YTHDF2: variants seen among roughly 807,000 people sequenced by gnomAD.
YTHDF2 encodes YTH domain-containing family protein 2.
Under a neutral mutation model 50.4 loss-of-function variants are expected in YTHDF2, and 2 were observed. The ratio of observed to expected loss-of-function variants is 0.04; its 90% confidence interval spans 0.02 to 0.12. The LOEUF is 0.12. Among genes scored for constraint, YTHDF2 ranks in the 10% least tolerant of loss-of-function variants. The pLI is 1.00. For synonymous variants in YTHDF2, 217 were observed against 255.6 expected (o/e 0.85, Z 1.44); for missense variants, 483 against 722.6 (o/e 0.67, Z 3.80).
intron 4 of YTHDF2, among the ~76,000 whole-genome samples, chr1:28,766,906 C>T (rs769814911): frequency 6.6e-6 from 1 of 151,242 alleles, no homozygotes; most frequent in Non-Finnish European, 1.5e-5. Context: ...GATCAGGGCT[C>T]ACTACAGCCT....
intron 4 of YTHDF2, among the ~76,000 whole-genome samples, chr1:28,746,160 G>A (rs1036812842): frequency 2.0e-5 from 3 of 152,168 alleles, no homozygotes; most frequent in African/African-American, 4.8e-5. Context: ...AAGTAAGGAG[G>A]CCATGATCTT....
In YTHDF2 at chr1:28,742,504, G is replaced by A. The variant is rs977579815; in HGVS notation, c.234G>A (p.Gly78=). ...YSLGEAAWST[G]GDTAMPYLTS... is the part of the protein sequence containing the mutation. ...TGGGTGAAGCTGCTTGGTCTACGGG[G>A]GGTGACACAGCCATGCCCTACTTAA... The change falls in exon 4 of 5, where the codon GGG becomes GGA. Residue 78 remains glycine, a synonymous_variant. Transcript: ENST00000373812. 3 of 1,613,888 alleles carry A rather than the reference G, an allele frequency of 1.9e-6. No homozygotes were observed. Among genetic ancestry groups the A allele is most frequent in the Non-Finnish European group, 2.5e-6 (3 of 1,180,008 alleles).
At chr1:28,758,870 T>G (rs1324465251) in intron 4 of YTHDF2, among the ~76,000 whole-genome samples, 2 of 152,172 alleles carry the variant, frequency 1.3e-5, no homozygotes, top group African/African-American at 4.8e-5. Flanking sequence ...AGCTTCAGTA[T>G]ATAAATGCCA....
At chr1:28,758,154 C>T (rs565863428) in intron 4 of YTHDF2, among the ~76,000 whole-genome samples, 2 of 152,126 alleles carry the variant, frequency 1.3e-5, no homozygotes, top group African/African-American at 4.8e-5. Flanking sequence ...ACCTGTAAAC[C>T]ACCTAGGATC....
intron 4 of YTHDF2, among the ~76,000 whole-genome samples, chr1:28,766,484 C>T (rs1417563017): frequency 1.3e-5 from 2 of 152,160 alleles, no homozygotes; most frequent in Non-Finnish European, 2.9e-5. Context: ...GTATCCTTCT[C>T]AGTGCATCAT....
At chr1:28,768,132 AG>A (rs1360087228) in intron 4 of YTHDF2, among the ~76,000 whole-genome samples, 1 of 151,886 alleles carries the variant, frequency 6.6e-6, no homozygotes, top group Non-Finnish European at 1.5e-5. Context: ...CGGGAGGCCG[AG>A]GTTGCAGTGA....
intron 4 of YTHDF2, among the ~76,000 whole-genome samples, chr1:28,755,114 G>A (rs2088017661): frequency 6.6e-6 from 1 of 152,118 alleles, no homozygotes; most frequent in South Asian, 2.1e-4. Flanking sequence ...AGACATATTT[G>A]TTGACTAGTT....
At chr1:28,754,963 C>CAA (rs58411768) in intron 4 of YTHDF2, among the ~76,000 whole-genome samples, 32 of 81,378 alleles carry the variant, frequency 3.9e-4, no homozygotes, top group African/African-American at 6.8e-4. Context: ...GGTGACAGCT[C>CAA]AAAAAAAAAA....
intron 4 of YTHDF2, 111 bp downstream of exon 4, chr1:28,744,097 A>AG (rs3835537): frequency 0.42 from 492,642 of 1,177,732 alleles, 109,544 homozygotes; most frequent in East Asian, 0.78. Context: ...ATACAGTATC[A>AG]CCTAACAGTT....
chr1:28,737,944 A>G, intron 2 of YTHDF2: 1 of 580,104 alleles, frequency 1.7e-6, no homozygotes, highest in Non-Finnish European at 3.1e-6. Context: ...TAGGTCTTAG[A>G]AGGCCTTTGT....
At chr1:28,753,313 G>A (rs375385817) in intron 4 of YTHDF2, among the ~76,000 whole-genome samples, 1 of 118,690 alleles carries the variant, frequency 8.4e-6, no homozygotes. Flanking sequence ...CTTGAACCCA[G>A]GAGTTTGAGA....
At chr1:28,750,548 T>C (rs1318031901) in intron 4 of YTHDF2, among the ~76,000 whole-genome samples, 1 of 152,030 alleles carries the variant, frequency 6.6e-6, no homozygotes, top group Non-Finnish European at 1.5e-5. Flanking sequence ...CATTTCAGGT[T>C]TGTGAAGATG....
At chr1:28,760,189 CCTTT>C (rs1391224675) in intron 4 of YTHDF2, among the ~76,000 whole-genome samples, 1 of 151,742 alleles carries the variant, frequency 6.6e-6, no homozygotes, top group Admixed American at 6.6e-5. Context: ...TTACAATTAG[CCTTT>C]CTTTTAATAA....
At chr1:28,764,508 C>T (rs1176143095) in intron 4 of YTHDF2, among the ~76,000 whole-genome samples, 2 of 148,096 alleles carry the variant, frequency 1.4e-5, no homozygotes, top group African/African-American at 2.5e-5. Context: ...CTCCTGACCT[C>T]GTGATCCACC....
intron 1 of YTHDF2, 107 bp downstream of exon 1, chr1:28,737,254 C>T (rs1345387430): frequency 3.5e-6 from 5 of 1,411,320 alleles, no homozygotes; most frequent in Non-Finnish European, 4.7e-6. Context: ...GAGGCGTCGT[C>T]TCTTGCGGGC....
At position 28,743,416 on chromosome 1, in the gene YTHDF2, T is replaced by G. The variant is rs185096322; in HGVS notation, c.1146T>G (p.Pro382=). The change falls in exon 4 of 5, where the codon CCT becomes CCG. Residue 382 remains proline (P), a synonymous_variant. Coordinates refer to ENST00000373812, the MANE Select transcript of YTHDF2 (RefSeq NM_016258.3). The surrounding 1 kb of genome is among the most constrained non-coding windows in gnomAD (Gnocchi z 6.9). ...GQSQAGSGST[P]SEPHPVLEKL... is the part of the protein sequence containing the mutation. ...CTCAGGCTGGTTCTGGATCTACTCC[T>G]TCAGAACCCCACCCAGTGTTGGAGA... 6.2e-7 allele frequency: 1 copy of G among 1,614,198 alleles called. No homozygotes were observed. Among genetic ancestry groups the G allele is most frequent in the East Asian group, 2.2e-5 (1 of 44,880 alleles).
At chr1:28,760,135 A>T (rs1344635906) in intron 4 of YTHDF2, among the ~76,000 whole-genome samples, 1 of 152,122 alleles carries the variant, frequency 6.6e-6, no homozygotes, top group African/African-American at 2.4e-5. Context: ...CTAAAATAGT[A>T]CCTTCTTCTG....
At chr1:28,760,363 T>C (rs2088102903) in intron 4 of YTHDF2, among the ~76,000 whole-genome samples, 1 of 151,664 alleles carries the variant, frequency 6.6e-6, no homozygotes, top group African/African-American at 2.4e-5. Context: ...GGCGCTATCT[T>C]GGCTCACTGC....
chr1:28,756,521 C>G (rs773757656), intron 4 of YTHDF2, among the ~76,000 whole-genome samples: 41 of 152,182 alleles, frequency 2.7e-4, no homozygotes, highest in Non-Finnish European at 5.6e-4. Flanking sequence ...TTTACATGTT[C>G]AGCTTCCCTT....
Sources: gnomAD v4.1 joint callset for allele counts (sites outside exome capture counted in the v4.1 genomes callset) on GRCh38, gnomAD v4.1.1 for gene constraint, Gnocchi (gnomAD v3.1) non-coding constraint, MANE v1.5 for transcripts, NCBI Gene and HGNC (gene_info 2026-07-23, HGNC 2026-07-21) for gene names.